DEK: variants seen among roughly 807,000 people sequenced by gnomAD.
DEK encodes DEK proto-oncogene, also known as protein DEK.
A neutral mutation model predicts 46.8 loss-of-function variants in DEK; 28 were observed. That is an observed-to-expected ratio of 0.60 (90% CI 0.44 to 0.82). The LOEUF (loss-of-function observed/expected upper bound fraction) is 0.82. Among genes scored for constraint, DEK ranks in the 40% least tolerant of loss-of-function variants. DEK has a pLI of 0.00. For missense variants in DEK, 416 were observed against 430.6 expected (o/e 0.97, Z 0.30); for synonymous variants, 160 against 144.5 (o/e 1.11, Z -0.77).
intron 9 of DEK, among the ~76,000 whole-genome samples, chr6:18,230,388 TA>T (rs1790358431): frequency 6.6e-6 from 1 of 152,112 alleles, no homozygotes; most frequent in Admixed American, 6.5e-5. Context: ...ACATTAACCT[TA>T]AATGTAAATG....
intron 10 of DEK, 43 bp from the exon 11 acceptor site, chr6:18,225,773 C>A: frequency 1.2e-6 from 2 of 1,607,916 alleles, no homozygotes; most frequent in Non-Finnish European, 1.7e-6. Flanking sequence ...AATCATAAAC[C>A]TTTATCCCAT....
intron 6 of DEK, among the ~76,000 whole-genome samples, chr6:18,254,090 GGAGGCCGAGGCGGTCAGATCACCT>G (rs1248591012): frequency 6.6e-6 from 1 of 152,154 alleles, no homozygotes; most frequent in Admixed American, 6.5e-5. Context: ...CAGCACTCTG[GGAGGCCGAGGCGGTCAGATCACCT>G]GAGGTCAGGA....
intron 6 of DEK, among the ~76,000 whole-genome samples, chr6:18,254,353 TAAC>T (rs748580888): frequency 4.0e-5 from 6 of 151,620 alleles, no homozygotes; most frequent in Non-Finnish European, 7.4e-5. Context: ...ACAACAACAG[TAAC>T]AACAACAACA....
At chr6:18,232,618 A>G (rs897014025) in intron 9 of DEK, among the ~76,000 whole-genome samples, 1 of 152,202 alleles carries the variant, frequency 6.6e-6, no homozygotes, top group African/African-American at 2.4e-5. Flanking sequence ...CAATTGCTTC[A>G]AAGAGATTAA....
intron 7 of DEK, among the ~76,000 whole-genome samples, chr6:18,245,866 C>T (rs1213662515): frequency 1.3e-5 from 2 of 152,250 alleles, no homozygotes; most frequent in African/African-American, 4.8e-5. Flanking sequence ...GTAACTGAAT[C>T]ACGAGGGTGG....
intron 4 of DEK, among the ~76,000 whole-genome samples, chr6:18,256,893 G>A (rs1177546721): frequency 6.6e-6 from 1 of 152,114 alleles, no homozygotes; most frequent in Non-Finnish European, 1.5e-5. Flanking sequence ...ACCACAAAAA[G>A]CTAATACCGT....
chr6:18,261,780 T>C (rs942576439), intron 2 of DEK, among the ~76,000 whole-genome samples: 6 of 152,204 alleles, frequency 3.9e-5, no homozygotes, highest in Non-Finnish European at 8.8e-5. Context: ...CATCTTCAGA[T>C]GAAACTCTGG....
At chr6:18,247,309 T>C (rs1582279049) in intron 7 of DEK, among the ~76,000 whole-genome samples, 1 of 152,178 alleles carries the variant, frequency 6.6e-6, no homozygotes, top group East Asian at 1.9e-4. Flanking sequence ...CAGTCCAAAT[T>C]TTATTTTACA....
At chr6:18,261,001 A>AAG in intron 2 of DEK, among the ~76,000 whole-genome samples, 1 of 150,510 alleles carries the variant, frequency 6.6e-6, no homozygotes, top group Non-Finnish European at 1.5e-5. Flanking sequence ...AAAAAAAAAA[A>AAG]AAGAAAGAAA....
At chr6:18,261,192 C>G (rs1156790869) in intron 2 of DEK, among the ~76,000 whole-genome samples, 1 of 152,062 alleles carries the variant, frequency 6.6e-6, no homozygotes, top group African/African-American at 2.4e-5. Context: ...ACCCCTCACC[C>G]CTTGCACCAG....
Position 18,225,362 on chromosome 6 carries a change from T to C in DEK, c.*357A>G, listed in dbSNP as rs1790065944. ...GTATAAATCCTGGTGATAATAGTTT[T>C]TGTTCTACTTGATTAAAAGTATGCC... On this transcript the variant is annotated 3_prime_UTR_variant, in exon 11 of 11. Coordinates refer to ENST00000652689, the MANE Select transcript of DEK (RefSeq NM_003472.4). 7.7e-6 allele frequency: 2 copies of C among 261,324 alleles called. No homozygotes were observed. The highest frequency in any genetic ancestry group is 1.1e-4 in the Admixed American group (2 of 18,864). The allele number at this position is 261,324 out of a possible 1,614,324, so 16.2% of individuals were successfully genotyped here.
At chr6:18,256,287 C>T (rs1582293461) in intron 5 of DEK, 74 bp downstream of exon 5, 6 of 1,340,012 alleles carry the variant, frequency 4.5e-6, no homozygotes, top group East Asian at 5.2e-5. Flanking sequence ...GTGCCTGGCC[C>T]GAATGTGATT....
At chr6:18,263,456 G>A (rs1162277674) in intron 2 of DEK, among the ~76,000 whole-genome samples, 1 of 152,146 alleles carries the variant, frequency 6.6e-6, no homozygotes, top group South Asian at 2.1e-4. Context: ...GGCAAAAGAT[G>A]TGTAATGAAA....
At position 18,263,865 on chromosome 6, in the gene DEK, C is replaced by CTCG. The variant is rs752177999; in HGVS notation, c.120_122dup (p.Asp40dup). 5.0e-5 allele frequency: 79 copies of CTCG among 1,593,578 alleles called. No individual in the cohort carries two copies. The Middle Eastern group carries it at 6.7e-4, about 13-fold the overall frequency. On this transcript the variant is annotated inframe_insertion, in exon 2 of 11. Coordinates refer to ENST00000652689, the MANE Select transcript of DEK (RefSeq NM_003472.4). ...CACCTTTTTCCTCCTCCTCCTCCTC[C>CTCG]TCGTCGTCCTCGTCCTCTTCCTCCT...
chr6:18,251,903 G>A (rs2151090301), intron 6 of DEK, among the ~76,000 whole-genome samples: 1 of 151,896 alleles, frequency 6.6e-6, no homozygotes, highest in South Asian at 2.1e-4. Context: ...AAGATGTTAA[G>A]TTATTCAAGC....
chr6:18,235,889 A>C (rs1193776354), intron 9 of DEK, among the ~76,000 whole-genome samples: 3 of 152,256 alleles, frequency 2.0e-5, no homozygotes, highest in Non-Finnish European at 4.4e-5. Context: ...AAAAAAGCAC[A>C]GACTATTTCA....
chr6:18,240,967 C>T (rs111989388), intron 7 of DEK, among the ~76,000 whole-genome samples: 58 of 152,284 alleles, frequency 3.8e-4, no homozygotes, highest in African/African-American at 1.3e-3. Context: ...TACGTCATGT[C>T]ATTTATACAG....
Position 18,224,428 on chromosome 6 carries a change from G to T in DEK, c.*1291C>A, listed in dbSNP as rs1332103918. ...TAATTGGTGCAACAAATGTGTCATT[G>T]TGTCATAAACAGCATGTTTTAAAAT... On this transcript the variant is annotated 3_prime_UTR_variant, in exon 11 of 11. Transcript: ENST00000652689. 1 of 191,640 alleles carries T rather than the reference G, an allele frequency of 5.2e-6. No individual in the cohort carries two copies. The allele number at this position is 191,640 out of a possible 1,614,324, so 11.9% of individuals were successfully genotyped here. A position where few individuals can be genotyped will look rare whatever the true frequency, so the allele number is the denominator to read the frequency against.
At chr6:18,255,994 T>A in intron 5 of DEK, 143 bp from the exon 6 acceptor site, 3 of 38,474 alleles carry the variant, frequency 7.8e-5, no homozygotes, top group Non-Finnish European at 1.1e-4. Context: ...ATCTTTTTTC[T>A]TTTTTTTTTT....
Sources: gnomAD v4.1 joint callset for allele counts (sites outside exome capture counted in the v4.1 genomes callset) on GRCh38, gnomAD v4.1.1 for gene constraint, MANE v1.5 for transcripts, NCBI Gene and HGNC (gene_info 2026-07-23, HGNC 2026-07-21) for gene names.